Variants in LINGO2 observed in about 807,000 individuals in gnomAD.
LINGO2 encodes leucine rich repeat and Ig domain containing 2.
In LINGO2, 14 loss-of-function variants were observed where a neutral mutation model predicts 30.6. The ratio of observed to expected loss-of-function variants is 0.46; its 90% CI spans 0.30 to 0.72. The LOEUF (loss-of-function observed/expected upper bound fraction) is 0.72, where lower values mean the gene tolerates loss of function less well. Ranked by LOEUF, LINGO2 falls within the 30% of genes least tolerant of loss-of-function variation. LINGO2 has a pLI of 0.07. For missense variants in LINGO2, 729 were observed against 751.7 expected (o/e 0.97, Z 0.35); for synonymous variants, 317 against 288.5 (o/e 1.10, Z -1.00).
Position 28,351,272 on chromosome 9 carries a change from A to G in LINGO2, c.-246+21564T>C, listed in dbSNP as rs1441518849. On this transcript the variant is annotated intron_variant, in intron 3 of 5. Transcript: ENST00000379992. ...CGCTAGCAAGACTAATAAAGAAAAA[A>G]AGAGAGAAGAATCAAATAGACGCAA... is the stretch of plus-strand genomic sequence containing the variant. Among the ~76,000 whole-genome samples the G allele has an allele frequency of 2.7e-5, 4 of 145,934 alleles. No homozygotes were observed. The East Asian group carries it at 8.0e-4, about 29-fold the overall frequency.
intron 4 of LINGO2, among the ~76,000 whole-genome samples, chr9:28,208,568 C>T (rs576040449): frequency 4.1e-4 from 63 of 152,080 alleles, no homozygotes; most frequent in Non-Finnish European, 8.5e-4. Flanking sequence ...GGGTTCAAGA[C>T]GGTGCCTCCC....
the LINGO2 span, among the ~76,000 whole-genome samples, chr9:29,136,887 C>G: frequency 6.6e-6 from 1 of 152,196 alleles, no homozygotes; most frequent in South Asian, 2.1e-4. Context: ...TACTGCATGT[C>G]ATTTGTAGGA....
At chr9:28,328,952 AT>A (rs1825324841) in intron 3 of LINGO2, among the ~76,000 whole-genome samples, 1 of 152,182 alleles carries the variant, frequency 6.6e-6, no homozygotes, top group Admixed American at 6.6e-5. Flanking sequence ...TGACAAAAAA[AT>A]AATATCTAAG....
intron 4 of LINGO2, among the ~76,000 whole-genome samples, chr9:28,244,515 G>C (rs1379905125): frequency 6.6e-6 from 1 of 151,948 alleles, no homozygotes; most frequent in Non-Finnish European, 1.5e-5. Context: ...GTGAATCCAG[G>C]AGCTGGTTTA....
chr9:28,610,372 T>C (rs1825864428), intron 1 of LINGO2, among the ~76,000 whole-genome samples: 1 of 152,188 alleles, frequency 6.6e-6, no homozygotes. Flanking sequence ...CCAATTATCA[T>C]GGGCACATAT....
chr9:28,009,913 T>C (rs1219633839), intron 5 of LINGO2, among the ~76,000 whole-genome samples: 2 of 152,198 alleles, frequency 1.3e-5, no homozygotes, highest in African/African-American at 2.4e-5. Flanking sequence ...TACAAAAACT[T>C]GCATGTGAAC....
At chr9:29,176,069 TGA>T in the LINGO2 span, among the ~76,000 whole-genome samples, 1 of 152,158 alleles carries the variant, frequency 6.6e-6, no homozygotes, top group Non-Finnish European at 1.5e-5. Flanking sequence ...ATCTTTTGTG[TGA>T]GAGACAGATA....
chr9:28,777,100 T>C, the LINGO2 span, among the ~76,000 whole-genome samples: 8 of 152,230 alleles, frequency 5.3e-5, no homozygotes, highest in East Asian at 1.4e-3. Context: ...TCCGCCATGA[T>C]TGTAAATTTC....
At chr9:27,973,728 G>A (rs1820461257) in intron 5 of LINGO2, among the ~76,000 whole-genome samples, 2 of 152,094 alleles carry the variant, frequency 1.3e-5, no homozygotes, top group African/African-American at 2.4e-5. Context: ...CGTCCTTGAA[G>A]ACCACTTGAA....
chr9:28,062,957 G>A (rs1007086582), intron 4 of LINGO2, among the ~76,000 whole-genome samples: 7 of 151,734 alleles, frequency 4.6e-5, no homozygotes, highest in African/African-American at 9.7e-5. Flanking sequence ...TTCCTTATCC[G>A]AACATTTCAT....
At chr9:29,174,770 G>C in the LINGO2 span, among the ~76,000 whole-genome samples, 1 of 152,208 alleles carries the variant, frequency 6.6e-6, no homozygotes, top group Admixed American at 6.5e-5. Context: ...ATAAATACAT[G>C]TCAGGATGTA....
chr9:28,659,331 G>A (rs975971670), intron 1 of LINGO2, among the ~76,000 whole-genome samples: 4 of 152,020 alleles, frequency 2.6e-5, no homozygotes, highest in South Asian at 2.1e-4. Context: ...ATGCCTGGAC[G>A]TATAGTACAA....
At chr9:29,030,090 T>C in the LINGO2 span, among the ~76,000 whole-genome samples, 1 of 152,156 alleles carries the variant, frequency 6.6e-6, no homozygotes, top group Non-Finnish European at 1.5e-5. Context: ...CTGGGTGTTC[T>C]ATAGAATGAT....
the LINGO2 span, among the ~76,000 whole-genome samples, chr9:28,935,663 G>A: frequency 6.6e-6 from 1 of 150,728 alleles, no homozygotes; most frequent in African/African-American, 2.4e-5. Context: ...AAATATATAT[G>A]TTATAGAGTC....
Position 28,632,171 on chromosome 9 carries a change from C to A in LINGO2, c.-365+38029G>T, listed in dbSNP as rs527710945. Among the ~76,000 whole-genome samples the A allele has an allele frequency of 8.5e-5, 13 of 152,164 alleles. No individual in the cohort carries two copies. In the South Asian group the frequency reaches 2.7e-3, roughly 32 times the overall value. On this transcript the variant is annotated intron_variant, in intron 1 of 5. Transcript: ENST00000379992. ...AGTAGAAGAGCAAACACGTTCAATG[C>A]ATAGTTGATATTTAATCACATGGCA...
chr9:28,667,439 A>C (rs1386981492), intron 1 of LINGO2, among the ~76,000 whole-genome samples: 1 of 151,920 alleles, frequency 6.6e-6, no homozygotes, highest in East Asian at 1.9e-4. Context: ...GTCATACCTA[A>C]TCCTCTCAAA....
chr9:28,046,433 G>A (rs988630804), intron 4 of LINGO2, among the ~76,000 whole-genome samples: 1 of 152,084 alleles, frequency 6.6e-6, no homozygotes, highest in African/African-American at 2.4e-5. Context: ...ATTTCTAACT[G>A]TGGTTTTTGG....
the LINGO2 span, among the ~76,000 whole-genome samples, chr9:29,147,532 A>G: frequency 1.3e-5 from 2 of 152,110 alleles, no homozygotes; most frequent in East Asian, 3.8e-4. Flanking sequence ...TTTCAGACCT[A>G]TTTATGCTCA....
At chr9:29,194,582 T>A in the LINGO2 span, among the ~76,000 whole-genome samples, 1 of 152,138 alleles carries the variant, frequency 6.6e-6, no homozygotes, top group South Asian at 2.1e-4. Flanking sequence ...CAGGCAATAG[T>A]CCCTATGATC....
Sources: allele counts gnomAD v4.1 joint callset (sites outside exome capture counted in the v4.1 genomes callset), GRCh38; gene constraint gnomAD v4.1.1; transcripts MANE v1.5; gene names NCBI Gene and HGNC (gene_info 2026-07-23, HGNC 2026-07-21).